Variants in DENND1A observed in about 807,000 individuals in gnomAD.
DENND1A encodes DENN domain-containing protein 1A.
DENND1A carries 51 observed loss-of-function variants against 113.7 expected under a neutral mutation model. The observed-to-expected ratio is 0.45, with a 90% CI of 0.36 to 0.57. The LOEUF (loss-of-function observed/expected upper bound fraction) is 0.57, where lower values mean the gene tolerates loss of function less well. DENND1A is among the 20% of genes least tolerant of loss of function. The probability of loss-of-function intolerance (pLI) is 0.00; values close to 1 mark genes in which losing one functional copy is unlikely to be tolerated. For missense variants in DENND1A, 1,258 were observed against 1,395.9 expected (o/e 0.90, Z 1.57); for synonymous variants, 565 against 570.8 (o/e 0.99, Z 0.14).
chr9:123,814,919 A>G lies in DENND1A; in HGVS notation c.89-22289T>C, dbSNP rs35495603. On this transcript the variant is annotated intron_variant, in intron 2 of 23. Transcript: ENST00000394215. ...AAATGTTTTTACAACTGATAATTAG[A>G]TATTATTCATTGAATGATAGTTTTG... Among the ~76,000 whole-genome samples, 826 of 152,354 alleles carry G rather than the reference A, an allele frequency of 5.4e-3. 3 individuals are homozygous for G. The highest frequency in any genetic ancestry group is 8.7e-3 in the Non-Finnish European group (589 of 68,022).
At chr9:123,886,822 G>C (rs1010708007) in intron 1 of DENND1A, among the ~76,000 whole-genome samples, 4 of 152,156 alleles carry the variant, frequency 2.6e-5, no homozygotes, top group African/African-American at 7.2e-5. Context: ...TAACTTAGTT[G>C]TGTAATTACA....
chr9:123,761,673 C>T (rs1368631012), intron 4 of DENND1A, among the ~76,000 whole-genome samples: 1 of 152,048 alleles, frequency 6.6e-6, no homozygotes, highest in Non-Finnish European at 1.5e-5. Flanking sequence ...AAGTAGAAGT[C>T]GACAAAAGCC....
intron 13 of DENND1A, among the ~76,000 whole-genome samples, chr9:123,518,686 C>T (rs1316154551): frequency 1.3e-5 from 2 of 152,172 alleles, no homozygotes; most frequent in South Asian, 2.1e-4. Flanking sequence ...GCAAGTCCTA[C>T]TGATCCCATC....
chr9:123,660,200 A>G (rs995340798), intron 8 of DENND1A, among the ~76,000 whole-genome samples: 12 of 152,068 alleles, frequency 7.9e-5, no homozygotes, highest in African/African-American at 2.9e-4. Context: ...CCCCTTTCGG[A>G]GTAGCTCTAA....
At chr9:123,676,086 TA>T (rs1351374569) in intron 6 of DENND1A, among the ~76,000 whole-genome samples, 3 of 152,242 alleles carry the variant, frequency 2.0e-5, no homozygotes, top group Non-Finnish European at 4.4e-5. Context: ...GCATGCTCAT[TA>T]TAATGGTATC....
intron 9 of DENND1A, among the ~76,000 whole-genome samples, chr9:123,635,191 A>G (rs1435689260): frequency 6.6e-6 from 1 of 152,228 alleles, no homozygotes; most frequent in Non-Finnish European, 1.5e-5. Context: ...CTTGACGTGA[A>G]ATAAAAATAA....
chr9:123,600,652 T>G (rs1001061026), intron 11 of DENND1A, among the ~76,000 whole-genome samples: 1 of 152,136 alleles, frequency 6.6e-6, no homozygotes, highest in African/African-American at 2.4e-5. Context: ...TCTGAGAAAC[T>G]GATTTCTGAT....
At chr9:123,774,624 A>G (rs1221814963) in intron 3 of DENND1A, among the ~76,000 whole-genome samples, 2 of 152,158 alleles carry the variant, frequency 1.3e-5, no homozygotes. Flanking sequence ...ACCCAAACAT[A>G]AAAGCCGGGT....
At chr9:123,868,731 T>C (rs1184234938) in intron 2 of DENND1A, among the ~76,000 whole-genome samples, 4 of 152,212 alleles carry the variant, frequency 2.6e-5, no homozygotes, top group African/African-American at 4.8e-5. Flanking sequence ...GGCTCCCCTA[T>C]ATCATAATTT....
intron 11 of DENND1A, among the ~76,000 whole-genome samples, chr9:123,604,568 A>G (rs913802477): frequency 1.3e-5 from 2 of 152,206 alleles, no homozygotes; most frequent in Non-Finnish European, 2.9e-5. Flanking sequence ...TATGCTGTCC[A>G]TATACAGGAC....
Position 123,491,721 on chromosome 9 carries a change from T to G in DENND1A, c.994-33824A>C, listed in dbSNP as rs117546659. On this transcript the variant is annotated intron_variant, in intron 13 of 23. Coordinates refer to ENST00000394215, the MANE Select transcript of DENND1A (RefSeq NM_001352964.2). The stretch of plus-strand genomic sequence containing the variant: ...AGGTCCTCCAGCCCATCCAGGACCC[T>G]GGGAGCCCTAGATCTCTCCAGCACT... Among the ~76,000 whole-genome samples, 592 of 152,334 alleles carry G rather than the reference T, an allele frequency of 3.9e-3. 8 individuals carry two copies. The East Asian group carries it at 0.063, about 16-fold the overall frequency.
chr9:123,608,411 G>A (rs1344963851), intron 11 of DENND1A, among the ~76,000 whole-genome samples: 4 of 152,104 alleles, frequency 2.6e-5, no homozygotes, highest in Admixed American at 6.6e-5. Context: ...CACCGCAGAC[G>A]GACATGGCTG....
chr9:123,529,594 C>T (rs527276533), intron 13 of DENND1A, among the ~76,000 whole-genome samples: 7 of 152,064 alleles, frequency 4.6e-5, no homozygotes, highest in East Asian at 3.9e-4. Context: ...GGAAATTCTG[C>T]GCATCATAAA....
intron 21 of DENND1A, chr9:123,402,449 C>T (rs1190120377): frequency 1.9e-6 from 1 of 525,862 alleles, no homozygotes; most frequent in African/African-American, 1.9e-5. Flanking sequence ...TGCTCCAACT[C>T]TGACTGGGAC....
At chr9:123,911,730 G>A (rs886303080) in intron 1 of DENND1A, among the ~76,000 whole-genome samples, 1 of 150,050 alleles carries the variant, frequency 6.7e-6, no homozygotes, top group African/African-American at 2.5e-5. Flanking sequence ...TCTTGCTCTC[G>A]CCTAGGCTGG....
intron 18 of DENND1A, among the ~76,000 whole-genome samples, chr9:123,441,917 G>C (rs2046960140): frequency 6.6e-6 from 1 of 152,190 alleles, no homozygotes; most frequent in South Asian, 2.1e-4. Context: ...AGAGAGAATG[G>C]TGGGACATGG....
intron 1 of DENND1A, among the ~76,000 whole-genome samples, chr9:123,894,279 G>A (rs1294085584): frequency 2.0e-5 from 3 of 152,198 alleles, no homozygotes; most frequent in African/African-American, 7.2e-5. Flanking sequence ...GTTCAGAACT[G>A]TGATATACTC....
rs1206292721 is a variant in DENND1A, at chr9:123,380,038, G to A, written c.*1394C>T. The A allele has an allele frequency of 6.6e-6, 1 of 152,310 alleles. No homozygotes were observed. Among genetic ancestry groups the A allele is most frequent in the Non-Finnish European group, 1.5e-5 (1 of 68,090 alleles). 9.4% of individuals were successfully genotyped at this position (152,310 alleles called of 1,614,324 possible). On this transcript the variant is annotated 3_prime_UTR_variant, in exon 24 of 24. Transcript: ENST00000394215. ...CAGGATGGCCGCCAAGCCTCACTGAGCATGTGCAGCAGTGGCAGCCTCTCA... is the reference window on the plus strand; with the variant it reads ...CAGGATGGCCGCCAAGCCTCACTGAACATGTGCAGCAGTGGCAGCCTCTCA...
chr9:123,414,679 A>G (rs2044580668), intron 19 of DENND1A: 3 of 1,481,328 alleles, frequency 2.0e-6, no homozygotes, highest in Non-Finnish European at 2.7e-6. Context: ...AAAAAGTCCT[A>G]TTTCCCAAGT....
Sources: gnomAD v4.1 joint callset for allele counts (sites outside exome capture counted in the v4.1 genomes callset) on GRCh38, gnomAD v4.1.1 for gene constraint, MANE v1.5 for transcripts, NCBI Gene and HGNC (gene_info 2026-07-23, HGNC 2026-07-21) for gene names.